Variants in DRC4 observed in about 807,000 individuals in gnomAD.
DRC4 encodes the protein dynein regulatory complex subunit 4.
At chr16:90,027,640 C>CG in the DRC4 span, 1 of 1,613,832 alleles carries the variant, frequency 6.2e-7, no homozygotes, top group African/African-American at 1.3e-5. Flanking sequence ...CCAAAGGCAC[C>CG]GAAAAAGAAA....
the DRC4 span, chr16:90,040,447 G>A: frequency 9.3e-6 from 15 of 1,611,270 alleles, no homozygotes; most frequent in African/African-American, 5.3e-5. Flanking sequence ...GCAGTTCAAC[G>A]AGGTCCTGGC....
the DRC4 span, chr16:90,043,514 G>C: frequency 1.5e-6 from 1 of 684,258 alleles, no homozygotes; most frequent in Admixed American, 2.8e-5. Context: ...AGAACCACCT[G>C]CAGGACCCTC....
At chr16:90,037,081 G>A in the DRC4 span, 6 of 696,112 alleles carry the variant, frequency 8.6e-6, no homozygotes, top group East Asian at 1.7e-4. Context: ...CAGAAATACT[G>A]TTTATACATA....
At chr16:90,031,084 T>C in the DRC4 span, 2 of 1,104,390 alleles carry the variant, frequency 1.8e-6, no homozygotes, top group Non-Finnish European at 2.5e-6. Context: ...TATTTTATGA[T>C]TATTGGCCAA....
the DRC4 span, chr16:90,044,174 G>C: frequency 2.2e-6 from 1 of 455,112 alleles, no homozygotes; most frequent in East Asian, 6.9e-5. Flanking sequence ...GGCGGCTCCA[G>C]TGTGGGGTGA....
At chr16:90,040,403 A>G in the DRC4 span, 2 of 1,612,228 alleles carry the variant, frequency 1.2e-6, no homozygotes, top group Non-Finnish European at 1.7e-6. Context: ...CGCAAGCTGC[A>G]GGCTCTGAGC....
At chr16:90,043,827 G>A in the DRC4 span, 1 of 468,272 alleles carries the variant, frequency 2.1e-6, no homozygotes, top group Non-Finnish European at 4.4e-6. Context: ...GCTCCCTGAT[G>A]AGCACAAAGC....
the DRC4 span, among the ~76,000 whole-genome samples, chr16:90,028,173 ATTTTTTTTTTTTTT>A: frequency 7.8e-5 from 5 of 63,836 alleles, no homozygotes; most frequent in Non-Finnish European, 1.1e-4. Flanking sequence ...TTAATCGTTC[ATTTTTTTTTTTTTT>A]TTTTTTTTTT....
the DRC4 span, chr16:90,029,201 C>CGGGGCAGGCTGCGGGGCAGCCTAT: frequency 1.4e-4 from 184 of 1,355,776 alleles, 1 homozygote; most frequent in African/African-American, 1.9e-3. Flanking sequence ...GGGCAGCCTA[C>CGGGGCAGGCTGCGGGGCAGCCTAT]GGGGCAGGCT....
the DRC4 span, among the ~76,000 whole-genome samples, chr16:90,038,405 C>T: frequency 1.3e-5 from 2 of 152,252 alleles, no homozygotes; most frequent in African/African-American, 4.8e-5. Flanking sequence ...GAAGCGGTCT[C>T]ATCCTTTTCA....
the DRC4 span, chr16:90,022,688 C>G: frequency 1.4e-6 from 2 of 1,423,314 alleles, no homozygotes; most frequent in Non-Finnish European, 9.2e-7. Flanking sequence ...GCGCCCTGGT[C>G]CCGGAGTCGC....
chr16:90,021,339 C>T, the DRC4 span, among the ~76,000 whole-genome samples: 1 of 152,202 alleles, frequency 6.6e-6, no homozygotes, highest in South Asian at 2.1e-4. Flanking sequence ...TTGCCCCCAG[C>T]ACAACTTTCT....
the DRC4 span, chr16:90,044,081 C>G: frequency 4.5e-6 from 2 of 443,538 alleles, no homozygotes; most frequent in East Asian, 1.4e-4. Flanking sequence ...GCAGCCCAGA[C>G]TGAGGGTCTG....
the DRC4 span, among the ~76,000 whole-genome samples, chr16:90,041,181 C>G: frequency 6.6e-6 from 1 of 152,236 alleles, no homozygotes; most frequent in African/African-American, 2.4e-5. Flanking sequence ...CTGTGAGGGT[C>G]ATTGCAGCTG....
the DRC4 span, chr16:90,044,489 CT>C: frequency 2.1e-6 from 1 of 471,022 alleles, no homozygotes; most frequent in African/African-American, 2.0e-5. Flanking sequence ...CTCCAGCCCA[CT>C]GGGGCTCTCA....
the DRC4 span, chr16:90,019,679 C>T: frequency 5.5e-6 from 3 of 548,274 alleles, no homozygotes; most frequent in East Asian, 6.8e-5. This position sits in a 1 kb window ranked among gnomAD's most constrained non-coding sequence, Gnocchi z 6.1. Flanking sequence ...CGGGACCTGG[C>T]TGCGCCCTCC....
At chr16:90,019,919 G>GT in the DRC4 span, 1 of 673,892 alleles carries the variant, frequency 1.5e-6, no homozygotes, top group Non-Finnish European at 2.7e-6. This position sits in a 1 kb window ranked among gnomAD's most constrained non-coding sequence, Gnocchi z 6.1. Context: ...GGGCGAGGGC[G>GT]TGTGCTTGGG....
chr16:90,035,680 A>G, the DRC4 span: 1 of 1,614,200 alleles, frequency 6.2e-7, no homozygotes, highest in Non-Finnish European at 8.5e-7. Flanking sequence ...TTGAGAGGCA[A>G]GTTCGAGGTC....
At chr16:90,020,390 G>A in the DRC4 span, among the ~76,000 whole-genome samples, 1 of 152,152 alleles carries the variant, frequency 6.6e-6, no homozygotes, top group South Asian at 2.1e-4. Flanking sequence ...CCTTCACTGA[G>A]TTGATGCCGT....
Sources: gnomAD v4.1 joint callset for allele counts (sites outside exome capture counted in the v4.1 genomes callset) on GRCh38, gnomAD v4.1.1 for gene constraint, Gnocchi (gnomAD v3.1) non-coding constraint, MANE v1.5 for transcripts, NCBI Gene and HGNC (gene_info 2026-07-23, HGNC 2026-07-21) for gene names.